The following RBFOX1 variants were observed in gnomAD, a reference collection of about 807,000 sequenced individuals.
RBFOX1 encodes the protein RNA binding fox-1 homolog 1.
In RBFOX1, 8 loss-of-function variants were observed where a neutral mutation model predicts 57.7. The ratio of observed to expected loss-of-function variants is 0.14; its 90% CI spans 0.08 to 0.25. RBFOX1 has a LOEUF of 0.25. Among genes scored for constraint, RBFOX1 ranks in the 10% least tolerant of loss-of-function variants. RBFOX1 has a pLI of 1.00. For synonymous variants in RBFOX1, 326 were observed against 222.4 expected, an observed-to-expected ratio of 1.47 and a Z score of -4.15; for missense variants, 611 against 548.5, an observed-to-expected ratio of 1.11 and a Z score of -1.14.
intron 3 of RBFOX1, among the ~76,000 whole-genome samples, chr16:6,951,490 G>A (rs772383863): frequency 1.3e-5 from 2 of 152,096 alleles, no homozygotes; most frequent in Admixed American, 6.5e-5. Flanking sequence ...CTGAGTCTGG[G>A]GTGGTTTTTT....
At chr16:6,702,862 T>C (rs1352374434) in intron 3 of RBFOX1, among the ~76,000 whole-genome samples, 1 of 152,226 alleles carries the variant, frequency 6.6e-6, no homozygotes, top group African/African-American at 2.4e-5. Context: ...ATCACCACCA[T>C]CTGTCTCCAG....
intron 2 of RBFOX1, among the ~76,000 whole-genome samples, chr16:6,403,822 A>G (rs1005409635): frequency 6.6e-6 from 1 of 152,120 alleles, no homozygotes; most frequent in Non-Finnish European, 1.5e-5. Flanking sequence ...GAGAATTACT[A>G]TATTTGAAGA....
chr16:6,907,965 C>T (rs1042411758), intron 3 of RBFOX1, among the ~76,000 whole-genome samples: 3 of 151,680 alleles, frequency 2.0e-5, no homozygotes, highest in East Asian at 1.9e-4. Flanking sequence ...GAGTTCTCCC[C>T]GTGAGCATGG....
chr16:6,798,384 C>T (rs1481721126), intron 3 of RBFOX1, among the ~76,000 whole-genome samples: 2 of 152,104 alleles, frequency 1.3e-5, no homozygotes, highest in African/African-American at 4.8e-5. Flanking sequence ...CATTCTGAGA[C>T]AGAAGAAGTA....
intron 3 of RBFOX1, among the ~76,000 whole-genome samples, chr16:6,923,976 C>G (rs1021551374): frequency 6.6e-5 from 10 of 151,916 alleles, no homozygotes; most frequent in African/African-American, 2.2e-4. Context: ...TTGAGACCAT[C>G]CTGGCCAACA....
At chr16:7,709,953 T>C in intron 15 of RBFOX1, 11 of 1,013,960 alleles carry the variant, frequency 1.1e-5, no homozygotes, top group Non-Finnish European at 1.3e-5. Flanking sequence ...TGAATCCCCA[T>C]AGGCATTCAT....
At chr16:7,130,099 C>G (rs994720981) in intron 4 of RBFOX1, among the ~76,000 whole-genome samples, 26 of 147,458 alleles carry the variant, frequency 1.8e-4, no homozygotes. Context: ...ATGGCGAGAT[C>G]TTGGCCCACT....
chr16:5,441,231 C>T (rs183320324), intron 1 of RBFOX1, among the ~76,000 whole-genome samples: 1 of 152,250 alleles, frequency 6.6e-6, no homozygotes, highest in Non-Finnish European at 1.5e-5. Context: ...AGGATTTACT[C>T]ATTAACTCCT....
chr16:6,153,977 A>G (rs79816473), intron 1 of RBFOX1, among the ~76,000 whole-genome samples: 4,425 of 152,262 alleles, frequency 0.029, 204 homozygotes, highest in African/African-American at 0.099. Context: ...CAACAACACA[A>G]TAAAACAAAT....
intron 3 of RBFOX1, among the ~76,000 whole-genome samples, chr16:6,837,553 A>T (rs981261780): frequency 6.6e-6 from 1 of 152,218 alleles, no homozygotes; most frequent in Non-Finnish European, 1.5e-5. Flanking sequence ...ATGGTTTAGC[A>T]TGTGAGTACT....
intron 4 of RBFOX1, among the ~76,000 whole-genome samples, chr16:7,488,193 G>C (rs531131862): frequency 3.3e-5 from 5 of 152,120 alleles, no homozygotes; most frequent in Non-Finnish European, 1.5e-5. Context: ...CATCTGCAGC[G>C]TGCTCATCCC....
intron 4 of RBFOX1, among the ~76,000 whole-genome samples, chr16:7,481,740 A>C (rs1291282442): frequency 6.6e-6 from 1 of 152,208 alleles, no homozygotes; most frequent in African/African-American, 2.4e-5. Context: ...CAATAAACCC[A>C]TCATAAGTAG....
intron 3 of RBFOX1, among the ~76,000 whole-genome samples, chr16:6,875,522 C>T (rs1186333173): frequency 1.3e-5 from 2 of 152,042 alleles, no homozygotes; most frequent in East Asian, 3.9e-4. Context: ...AGTGCTCTGG[C>T]AAAGACTATG....
chr16:6,288,639 A>T (rs922096503), intron 1 of RBFOX1, among the ~76,000 whole-genome samples: 1 of 152,144 alleles, frequency 6.6e-6, no homozygotes, highest in Non-Finnish European at 1.5e-5. Flanking sequence ...GGAAACTGCA[A>T]AATTGAGATT....
At chr16:5,951,705 T>TCC (rs2059523565) in intron 4 of RBFOX1, among the ~76,000 whole-genome samples, 1 of 151,750 alleles carries the variant, frequency 6.6e-6, no homozygotes, top group Non-Finnish European at 1.5e-5. Context: ...TCTTCACAGG[T>TCC]AGCCACTTCC....
intron 1 of RBFOX1, among the ~76,000 whole-genome samples, chr16:6,125,389 T>G (rs1383977079): frequency 6.6e-6 from 1 of 152,204 alleles, no homozygotes; most frequent in Non-Finnish European, 1.5e-5. Flanking sequence ...TTGGGAATGC[T>G]CTTGTTTGCC....
At chr16:7,222,320 C>T (rs2092790281) in intron 4 of RBFOX1, among the ~76,000 whole-genome samples, 1 of 152,140 alleles carries the variant, frequency 6.6e-6, no homozygotes. Context: ...ACCTAATGTG[C>T]AAAGTCTCAT....
At chr16:6,377,026 C>T (rs1482445225) in intron 2 of RBFOX1, among the ~76,000 whole-genome samples, 1 of 151,886 alleles carries the variant, frequency 6.6e-6, no homozygotes, top group Admixed American at 6.6e-5. Context: ...AATCCCAGTA[C>T]TTTGGGAGGC....
intron 3 of RBFOX1, among the ~76,000 whole-genome samples, chr16:5,766,261 A>G (rs2053774027): frequency 6.6e-6 from 1 of 152,134 alleles, no homozygotes; most frequent in Non-Finnish European, 1.5e-5. Context: ...AGGAGGAGCA[A>G]GAGAGAGAGG....
Sources: allele counts gnomAD v4.1 joint callset (sites outside exome capture counted in the v4.1 genomes callset), GRCh38; gene constraint gnomAD v4.1.1; transcripts MANE v1.5; gene names NCBI Gene and HGNC (gene_info 2026-07-23, HGNC 2026-07-21).